Variants in KIAA0319L observed in about 807,000 individuals in gnomAD.
The protein encoded by KIAA0319L is KIAA0319 like.
KIAA0319L carries 55 observed loss-of-function variants against 120.1 expected under a neutral mutation model. The ratio of observed to expected loss-of-function variants is 0.46; its 90% CI spans 0.37 to 0.57. The LOEUF (loss-of-function observed/expected upper bound fraction) is 0.57, where lower values mean the gene tolerates loss of function less well. KIAA0319L is among the 20% of genes least tolerant of loss of function. The pLI, the probability that KIAA0319L is intolerant of heterozygous loss-of-function variation, is 0.00. For missense variants in KIAA0319L, 1,049 were observed against 1,255.3 expected (o/e 0.84, Z 2.48); for synonymous variants, 398 against 471.9 (o/e 0.84, Z 2.03).
intron 2 of KIAA0319L, among the ~76,000 whole-genome samples, chr1:35,547,873 G>A (rs536044243): frequency 2.0e-4 from 31 of 152,280 alleles, no homozygotes; most frequent in African/African-American, 7.5e-4. Flanking sequence ...TGTAATCCCA[G>A]CACTCTGGGA....
intron 1 of KIAA0319L, chr1:35,556,331 T>C (rs1648032100): frequency 6.6e-6 from 1 of 152,266 alleles, no homozygotes; most frequent in Non-Finnish European, 1.5e-5. Flanking sequence ...ACTCCATTTA[T>C]GTACACAGCG....
intron 4 of KIAA0319L, among the ~76,000 whole-genome samples, chr1:35,476,482 G>A (rs187551247): frequency 2.0e-4 from 30 of 152,158 alleles, no homozygotes; most frequent in Non-Finnish European, 4.0e-4. Context: ...TGAAACTTGA[G>A]ATTTATCCGC....
chr1:35,467,457 A>C (rs1015481546), intron 6 of KIAA0319L, among the ~76,000 whole-genome samples: 5 of 152,176 alleles, frequency 3.3e-5, no homozygotes, highest in African/African-American at 1.2e-4. Context: ...TATTAAAATA[A>C]TAGTTGTGTA....
rs754872250 is a variant in KIAA0319L, at chr1:35,506,658, T to C, written c.620A>G (p.Asn207Ser). ...TPIVTQHSKVNDSNELGGLTT... is the reference protein window; with the variant it reads ...TPIVTQHSKVSDSNELGGLTT... The stretch of plus-strand genomic sequence containing the variant: ...CAGACCACCTAATTCGTTGGAGTCA[T>C]TCACTTTAGAATGCTGTGTCACTAT... The change falls in exon 3 of 21, where the codon AAT becomes AGT. Residue 207 changes from asparagine to serine, a missense_variant. Coordinates refer to ENST00000325722, the MANE Select transcript of KIAA0319L (RefSeq NM_024874.5). The surrounding 1 kb of genome is among the most constrained non-coding windows in gnomAD (Gnocchi z 4.0). 1.9e-6 allele frequency: 3 copies of C among 1,614,184 alleles called. No individual in the cohort carries two copies. The highest frequency in any genetic ancestry group is 2.5e-6 in the Non-Finnish European group (3 of 1,180,008).
intron 3 of KIAA0319L, among the ~76,000 whole-genome samples, chr1:35,496,352 G>A (rs1010164011): frequency 1.3e-4 from 20 of 152,274 alleles, no homozygotes; most frequent in Admixed American, 5.2e-4. Flanking sequence ...CCCAGGAAGC[G>A]GAAGTTGTAG....
Position 35,453,837 on chromosome 1 carries a change from G to A in KIAA0319L, c.1781-148C>T. 1 of 697,584 alleles carries A rather than the reference G, an allele frequency of 1.4e-6. No homozygotes were observed. Among genetic ancestry groups the A allele is most frequent in the Non-Finnish European group, 2.3e-6 (1 of 430,258 alleles). The allele number at this position is 697,584 out of a possible 1,614,324, so 43.2% of individuals were successfully genotyped here. ...CTGTGGGAGATGTGGTTACCGTCAGGGAGCACACAATAAAGAATATAAGGC... is the reference window on the plus strand; with the variant it reads ...CTGTGGGAGATGTGGTTACCGTCAGAGAGCACACAATAAAGAATATAAGGC... On this transcript the variant is annotated intron_variant, in intron 11 of 20. Transcript: ENST00000325722. The surrounding 1 kb of genome is among the most constrained non-coding windows in gnomAD (Gnocchi z 4.1).
intron 2 of KIAA0319L, among the ~76,000 whole-genome samples, chr1:35,508,663 C>T (rs1645302186): frequency 1.3e-5 from 2 of 151,720 alleles, no homozygotes; most frequent in Non-Finnish European, 2.9e-5. Flanking sequence ...CAGAAATACC[C>T]CCTCATTTTT....
At chr1:35,533,052 G>A (rs904090589) in intron 2 of KIAA0319L, 1 of 152,212 alleles carries the variant, frequency 6.6e-6, no homozygotes, top group Non-Finnish European at 1.5e-5. Flanking sequence ...CCAAGTAGCA[G>A]AGTGGAAAAG....
intron 5 of KIAA0319L, among the ~76,000 whole-genome samples, chr1:35,471,456 T>C (rs1161560653): frequency 6.6e-6 from 1 of 152,210 alleles, no homozygotes; most frequent in African/African-American, 2.4e-5. Flanking sequence ...AAAGAGCTAC[T>C]TCATTCCTGC....
At chr1:35,547,894 G>T (rs1647044781) in intron 2 of KIAA0319L, among the ~76,000 whole-genome samples, 2 of 152,114 alleles carry the variant, frequency 1.3e-5, no homozygotes, top group Admixed American at 6.5e-5. Context: ...GGCCAAGGTG[G>T]GTAGAATGCT....
At chr1:35,481,671 C>A (rs112044088) in intron 3 of KIAA0319L, among the ~76,000 whole-genome samples, 1 of 152,088 alleles carries the variant, frequency 6.6e-6, no homozygotes, top group South Asian at 2.1e-4. Flanking sequence ...ATAAAATGTA[C>A]AATTTGATAA....
At chr1:35,471,860 A>T (rs1252053381) in intron 5 of KIAA0319L, among the ~76,000 whole-genome samples, 1 of 152,226 alleles carries the variant, frequency 6.6e-6, no homozygotes, top group African/African-American at 2.4e-5. Context: ...CCTTCATCTG[A>T]AGACCAATTT....
chr1:35,473,165 G>A (rs1442048155), intron 5 of KIAA0319L, among the ~76,000 whole-genome samples: 1 of 135,866 alleles, frequency 7.4e-6, no homozygotes, highest in African/African-American at 2.8e-5. Context: ...GCACAATCTT[G>A]GCTGACTGCA....
At chr1:35,465,109 C>A (rs1271675774) in intron 7 of KIAA0319L, among the ~76,000 whole-genome samples, 1 of 152,230 alleles carries the variant, frequency 6.6e-6, no homozygotes, top group Admixed American at 6.5e-5. Flanking sequence ...ACAGTCCCTA[C>A]TGGGGAACTG....
rs150960105 is a variant in KIAA0319L, at chr1:35,502,304, G to C, written c.666+4308C>G. Among the ~76,000 whole-genome samples the C allele has an allele frequency of 4.1e-3, 624 of 151,494 alleles. 1 individual carries two copies. Among genetic ancestry groups the C allele is most frequent in the Non-Finnish European group, 6.6e-3 (449 of 67,814 alleles). On this transcript the variant is annotated intron_variant, in intron 3 of 20. Transcript: ENST00000325722. ...AAAAAAAAAAAGAAAAAAAAAACAG[G>C]AACAGTAATAGTAATTCACAAGATT...
chr1:35,466,817 T>C (rs1643294679), intron 6 of KIAA0319L, 122 bp from the exon 7 acceptor site: 2 of 719,830 alleles, frequency 2.8e-6, no homozygotes, highest in Non-Finnish European at 4.6e-6. Context: ...ATTTCCAAAA[T>C]GGAAAAGGTA....
intron 9 of KIAA0319L, 128 bp downstream of exon 9, chr1:35,460,176 CA>C: frequency 3.9e-6 from 3 of 764,618 alleles, no homozygotes; most frequent in Middle Eastern, 2.7e-4. Context: ...CCAATGGAAC[CA>C]AAAGCTGTAT....
At chr1:35,543,070 T>C (rs1011284293) in intron 2 of KIAA0319L, among the ~76,000 whole-genome samples, 2 of 152,238 alleles carry the variant, frequency 1.3e-5, no homozygotes, top group African/African-American at 2.4e-5. Flanking sequence ...AAGATGATTA[T>C]CTTTCACTAA....
rs376885716 is a variant in KIAA0319L, at chr1:35,549,143, C to T, written c.142+5207G>A. The stretch of plus-strand genomic sequence containing the variant: ...ACAGTTCACTGCAGTCTTGAACTCC[C>T]GGGCTCAGGTGATCCTCTCATCTCA... On this transcript the variant is annotated intron_variant, in intron 2 of 20. Transcript: ENST00000325722. 1.4e-4 allele frequency among the ~76,000 whole-genome samples: 22 copies of T among 152,000 alleles called. No individual in the cohort carries two copies. In the East Asian group the frequency reaches 3.7e-3, roughly 25 times the overall value.
Sources: gnomAD v4.1 joint callset for allele counts (sites outside exome capture counted in the v4.1 genomes callset) on GRCh38, gnomAD v4.1.1 for gene constraint, Gnocchi (gnomAD v3.1) non-coding constraint, MANE v1.5 for transcripts, NCBI Gene and HGNC (gene_info 2026-07-23, HGNC 2026-07-21) for gene names.